The following TRIM33 variants were observed in gnomAD, a reference collection of about 807,000 sequenced individuals.
The protein encoded by TRIM33 is tripartite motif containing 33, also known as E3 ubiquitin-protein ligase TRIM33.
A neutral mutation model predicts 125.4 loss-of-function variants in TRIM33; 20 were observed. The observed-to-expected ratio is 0.16, with a 90% CI of 0.11 to 0.23. The LOEUF is 0.23. Ranked by LOEUF, TRIM33 falls within the 10% of genes least tolerant of loss-of-function variation. The pLI, the probability that TRIM33 is intolerant of heterozygous loss-of-function variation, is 1.00. For missense variants in TRIM33, 920 were observed against 1,411.4 expected, an observed-to-expected ratio of 0.65 and a Z score of 5.58; for synonymous variants, 564 against 513.9, an observed-to-expected ratio of 1.10 and a Z score of -1.32.
chr1:114,469,855 T>C (rs1408531236), intron 1 of TRIM33, among the ~76,000 whole-genome samples: 1 of 152,184 alleles, frequency 6.6e-6, no homozygotes, highest in Non-Finnish European at 1.5e-5. Context: ...AATGCTGCTT[T>C]ATACAGGGAA....
chr1:114,451,781 G>T (rs1333122044), intron 4 of TRIM33, among the ~76,000 whole-genome samples: 1 of 152,092 alleles, frequency 6.6e-6, no homozygotes, highest in Non-Finnish European at 1.5e-5. Flanking sequence ...TTATAAAGTT[G>T]GCAGTATATT....
At chr1:114,484,202 T>C (rs941111305) in intron 1 of TRIM33, among the ~76,000 whole-genome samples, 2 of 152,220 alleles carry the variant, frequency 1.3e-5, no homozygotes, top group African/African-American at 4.8e-5. Flanking sequence ...ATAATAAAGA[T>C]GAGATAGTCA....
At chr1:114,508,362 CTG>C (rs1653130348) in intron 1 of TRIM33, among the ~76,000 whole-genome samples, 2 of 152,172 alleles carry the variant, frequency 1.3e-5, no homozygotes, top group Non-Finnish European at 2.9e-5. Context: ...CAAACACAAT[CTG>C]TATTTCTGGG....
chr1:114,484,759 G>A (rs572211051), intron 1 of TRIM33, among the ~76,000 whole-genome samples: 5 of 152,310 alleles, frequency 3.3e-5, no homozygotes, highest in Non-Finnish European at 5.9e-5. Context: ...CAGTTACTCA[G>A]GAGGCTGAGG....
intron 1 of TRIM33, among the ~76,000 whole-genome samples, chr1:114,505,534 C>T (rs1652947669): frequency 6.6e-6 from 1 of 152,126 alleles, no homozygotes; most frequent in South Asian, 2.1e-4. Context: ...ATGATTGTTG[C>T]CATCTCAGAC....
rs373473236 is a variant in TRIM33, at chr1:114,408,665, C to G, written c.2258+12G>C. 2.2e-5 allele frequency: 34 copies of G among 1,558,404 alleles called. No individual in the cohort carries two copies. The African/African-American group carries it at 3.6e-4, about 16-fold the overall frequency. On this transcript the variant is annotated intron_variant, in intron 13 of 19. Coordinates refer to ENST00000358465, the MANE Select transcript of TRIM33 (RefSeq NM_015906.4). ...TAACAAAAAGGAAAAAAATAATTAT[C>G]AATATACTCACCTGCCTCGACTGCC...
rs369508223 is a variant in TRIM33 at position 114,397,580 on chromosome 1, G to GTTT, written c.*65_*67dup. The stretch of plus-strand genomic sequence containing the variant: ...CCAGCAACACTTAAAAGTTTTCTGG[G>GTTT]TTTTTTGTGTTTTTTTTTTTTTTTT... On this transcript the variant is annotated 3_prime_UTR_variant, in exon 20 of 20. Coordinates refer to ENST00000358465, the MANE Select transcript of TRIM33 (RefSeq NM_015906.4). 2.2e-5 allele frequency: 24 copies of GTTT among 1,075,744 alleles called. 1 individual carries two copies. The African/African-American group carries it at 4.1e-4, about 19-fold the overall frequency. The allele number at this position is 1,075,744 out of a possible 1,614,324, so 66.6% of individuals were successfully genotyped here.
chr1:114,431,979 T>A (rs955541964), intron 5 of TRIM33, among the ~76,000 whole-genome samples: 1 of 152,172 alleles, frequency 6.6e-6, no homozygotes, highest in African/African-American at 2.4e-5. Flanking sequence ...TCAGTCAGAC[T>A]CCTATTGGAT....
chr1:114,480,833 G>A (rs749101267), intron 1 of TRIM33, among the ~76,000 whole-genome samples: 2 of 152,062 alleles, frequency 1.3e-5, no homozygotes, highest in Non-Finnish European at 2.9e-5. Flanking sequence ...AAAAGGAGAG[G>A]AGAAGATAAA....
Position 114,406,977 on chromosome 1 carries a change from T to C in TRIM33, c.2382A>G (p.Gln794=), listed in dbSNP as rs1373516553. Residue 794 remains glutamine, a synonymous_variant, in exon 14 of 20, where the codon CAA becomes CAG. Coordinates refer to ENST00000358465, the MANE Select transcript of TRIM33 (RefSeq NM_015906.4). The part of the protein sequence containing the change: ...EICSFSGGVK[Q]EKTEDGRRSA... ...TCCTCCTGCCATCCTCTGTTTTTTC[T>C]TGTTTTACACCTCCTGAAAAGCTAC... is the stretch of plus-strand genomic sequence containing the variant. The C allele has an allele frequency of 6.2e-7, 1 of 1,614,056 alleles. No homozygotes were observed.
intron 4 of TRIM33, among the ~76,000 whole-genome samples, chr1:114,437,010 G>A (rs900317422): frequency 2.0e-5 from 3 of 152,102 alleles, no homozygotes; most frequent in Non-Finnish European, 4.4e-5. Context: ...CAACATATAC[G>A]CATTTGATAG....
rs76899506 is a variant in TRIM33, at chr1:114,483,946, C to T, written c.527-19558G>A. On this transcript the variant is annotated intron_variant, in intron 1 of 19. Coordinates refer to ENST00000358465, the MANE Select transcript of TRIM33 (RefSeq NM_015906.4). ...TGCCCAAATTTCTGGTTTAGGAAACCGGAACAATGAGATGACTGTTACAGT... is the reference window on the plus strand; with the variant it reads ...TGCCCAAATTTCTGGTTTAGGAAACTGGAACAATGAGATGACTGTTACAGT... Among the ~76,000 whole-genome samples the T allele has an allele frequency of 1.3e-3, 194 of 152,036 alleles. 1 individual carries two copies. The highest frequency in any genetic ancestry group is 4.4e-3 in the African/African-American group (183 of 41,448).
intron 4 of TRIM33, among the ~76,000 whole-genome samples, chr1:114,456,899 T>A (rs1649661357): frequency 1.3e-5 from 2 of 152,058 alleles, no homozygotes; most frequent in African/African-American, 4.8e-5. Flanking sequence ...GTATGATAAA[T>A]CCAGCAAAGG....
rs765586278 is a variant in TRIM33, at chr1:114,401,424, A to G, written c.2932T>C (p.Leu978=). 2.5e-6 allele frequency: 4 copies of G among 1,613,348 alleles called. No individual in the cohort carries two copies. Among genetic ancestry groups the G allele is most frequent in the Non-Finnish European group, 3.4e-6 (4 of 1,179,632 alleles). The change falls in exon 17 of 20, where the codon TTA becomes CTA. Residue 978 remains leucine, a synonymous_variant. Transcript: ENST00000358465. The stretch of plus-strand genomic sequence containing the variant: ...ACAGGCTCCTGGAATTCAATACTTA[A>G]TTCATGGCAATAGAGGTAAAGCAGA... The part of the protein sequence containing the change: ...RLLLYLYCHE[L]SIEFQEPVPA...
Position 114,398,010 on chromosome 1 carries a change from CAAA to C in TRIM33, c.3121-23_3121-21del, listed in dbSNP as rs5777192. Reference sequence around the variant, plus strand: ...CATCATCTAAAAAGGATACCAGAGTCAAAAAAAAAAAAGGGAAATTATAATCCT... The same window carrying C: ...CATCATCTAAAAAGGATACCAGAGTCAAAAAAAAAGGGAAATTATAATCCT... On this transcript the variant is annotated intron_variant, in intron 18 of 19. Coordinates refer to ENST00000358465, the MANE Select transcript of TRIM33 (RefSeq NM_015906.4). 527 of 1,317,044 alleles carry C rather than the reference CAAA, an allele frequency of 4.0e-4. No homozygotes were observed. The highest frequency in any genetic ancestry group is 1.4e-3 in the Admixed American group (65 of 46,286). The allele number at this position is 1,317,044 out of a possible 1,614,324, so 81.6% of individuals were successfully genotyped here.
Position 114,395,648 on chromosome 1 carries a change from G to T in TRIM33, c.*2000C>A, listed in dbSNP as rs1023848441. 5.1e-6 allele frequency: 1 copy of T among 195,006 alleles called. No homozygotes were observed. Among genetic ancestry groups the T allele is most frequent in the Non-Finnish European group, 1.1e-5 (1 of 93,698 alleles). 12.1% of individuals were successfully genotyped at this position (195,006 alleles called of 1,614,324 possible). ...AAGAGGGAAATTGGCATAGGCATAA[G>T]TATTTTTAAATAATTTTCTCCCTCT... On this transcript the variant is annotated 3_prime_UTR_variant, in exon 20 of 20. Coordinates refer to ENST00000358465, the MANE Select transcript of TRIM33 (RefSeq NM_015906.4).
At chr1:114,443,474 C>T (rs565916842) in intron 4 of TRIM33, among the ~76,000 whole-genome samples, 2 of 152,234 alleles carry the variant, frequency 1.3e-5, no homozygotes, top group Admixed American at 6.5e-5. Context: ...TGGACTCAAG[C>T]GATCCACCAG....
intron 11 of TRIM33, among the ~76,000 whole-genome samples, chr1:114,420,080 G>A (rs1572032042): frequency 6.6e-6 from 1 of 152,202 alleles, no homozygotes; most frequent in East Asian, 1.9e-4. Context: ...CGCATACAAT[G>A]CATAAAACTA....
intron 1 of TRIM33, among the ~76,000 whole-genome samples, chr1:114,492,866 T>G (rs1053136481): frequency 6.6e-6 from 1 of 152,220 alleles, no homozygotes; most frequent in Non-Finnish European, 1.5e-5. Context: ...ATGCTGCAAT[T>G]AATACTGGCA....
Sources: allele counts gnomAD v4.1 joint callset (sites outside exome capture counted in the v4.1 genomes callset), GRCh38; gene constraint gnomAD v4.1.1; transcripts MANE v1.5; gene names NCBI Gene and HGNC (gene_info 2026-07-23, HGNC 2026-07-21).